Variants in NRCAM observed in about 807,000 individuals in gnomAD.
NRCAM encodes neuronal cell adhesion molecule.
Under a neutral mutation model 156.5 loss-of-function variants are expected in NRCAM, and 83 were observed. That is an observed-to-expected ratio of 0.53 (90% CI 0.44 to 0.64). The LOEUF is 0.64. NRCAM is among the 30% of genes least tolerant of loss of function. The probability of loss-of-function intolerance (pLI) is 0.00; values close to 1 mark genes in which losing one functional copy is unlikely to be tolerated. For synonymous variants in NRCAM, 538 were observed against 563.9 expected (o/e 0.95, Z 0.65); for missense variants, 1,417 against 1,597.3 (o/e 0.89, Z 1.92).
At chr7:108,163,846 A>G (rs1448676239) in intron 30 of NRCAM, among the ~76,000 whole-genome samples, 25 of 41,692 alleles carry the variant, frequency 6.0e-4, no homozygotes, top group African/African-American at 1.5e-3. Context: ...GGTGGCGGTA[A>G]TGAGAGGTCA....
At chr7:108,174,804 G>A (rs1313907209) in intron 28 of NRCAM, among the ~76,000 whole-genome samples, 1 of 152,236 alleles carries the variant, frequency 6.6e-6, no homozygotes, top group African/African-American at 2.4e-5. Context: ...TAAGCTCGGG[G>A]AGACTTAGTC....
At chr7:108,290,371 T>C (rs1318603518) in intron 3 of NRCAM, among the ~76,000 whole-genome samples, 1 of 152,180 alleles carries the variant, frequency 6.6e-6, no homozygotes, top group Non-Finnish European at 1.5e-5. Flanking sequence ...CCAGACTTCC[T>C]TGTCCTGAGC....
chr7:108,193,963 T>G, intron 17 of NRCAM, 61 bp downstream of exon 17: 1 of 1,536,490 alleles, frequency 6.5e-7, no homozygotes, highest in Non-Finnish European at 8.9e-7. Context: ...TAGTAGACCT[T>G]TAGTTCAAGA....
chr7:108,343,709 C>T (rs1405923261), intron 2 of NRCAM, among the ~76,000 whole-genome samples: 2 of 152,184 alleles, frequency 1.3e-5, no homozygotes, highest in Non-Finnish European at 2.9e-5. Context: ...CTTCATCAAA[C>T]CTTTCACTTA....
At chr7:108,444,020 C>A (rs1283698129) in intron 1 of NRCAM, among the ~76,000 whole-genome samples, 1 of 151,994 alleles carries the variant, frequency 6.6e-6, no homozygotes, top group Non-Finnish European at 1.5e-5. Context: ...TTCTGTATCC[C>A]TGGGTTTTGC....
chr7:108,153,895 TAA>T (rs1487236465), intron 32 of NRCAM, among the ~76,000 whole-genome samples: 6 of 151,906 alleles, frequency 3.9e-5, no homozygotes, highest in African/African-American at 1.5e-4. Context: ...CCGAAGAAAA[TAA>T]AACTTTCAGA....
intron 12 of NRCAM, among the ~76,000 whole-genome samples, 178 bp from the exon 13 acceptor site, chr7:108,207,837 T>C (rs2081978364): frequency 6.6e-6 from 1 of 152,202 alleles, no homozygotes; most frequent in South Asian, 2.1e-4. Flanking sequence ...TTTCAAAGAA[T>C]GTTTAAAGAG....
At chr7:108,266,906 C>T (rs200501618) in intron 3 of NRCAM, among the ~76,000 whole-genome samples, 1 of 151,794 alleles carries the variant, frequency 6.6e-6, no homozygotes, top group African/African-American at 2.4e-5. Context: ...GATTTTACCC[C>T]GCTAACAAGT....
At chr7:108,282,851 C>T (rs1356376152) in intron 3 of NRCAM, among the ~76,000 whole-genome samples, 1 of 152,214 alleles carries the variant, frequency 6.6e-6, no homozygotes, top group African/African-American at 2.4e-5. Flanking sequence ...AACAGTAGTT[C>T]TCAAACTCTA....
intron 11 of NRCAM, among the ~76,000 whole-genome samples, chr7:108,214,331 G>C (rs753388507): frequency 1.4e-4 from 22 of 152,156 alleles, no homozygotes; most frequent in African/African-American, 1.9e-4. Flanking sequence ...TTGGGAGGGT[G>C]AATGTGTCCA....
At chr7:108,417,338 G>A (rs1802824960) in intron 1 of NRCAM, among the ~76,000 whole-genome samples, 1 of 152,132 alleles carries the variant, frequency 6.6e-6, no homozygotes, top group South Asian at 2.1e-4. Context: ...ATCTGGTGAC[G>A]ACCTTGTAGT....
chr7:108,218,060 G>A (rs2090295526), intron 11 of NRCAM, among the ~76,000 whole-genome samples: 1 of 152,162 alleles, frequency 6.6e-6, no homozygotes. Context: ...AGGCACCCCA[G>A]GGAATCTCCT....
Position 108,449,510 on chromosome 7 carries a change from G to A in NRCAM, c.-332+6733C>T, listed in dbSNP as rs1051530488. Among the ~76,000 whole-genome samples the A allele has an allele frequency of 7.9e-5, 12 of 152,182 alleles. No homozygotes were observed. In the East Asian group the frequency reaches 1.4e-3, roughly 17 times the overall value. On this transcript the variant is annotated intron_variant, in intron 1 of 32. Transcript: ENST00000379028. ...ACACCAGGTTTTGGAAGGCAGCAGC[G>A]GACTCGCTCGCAAGCCATCCTTCCT...
chr7:108,236,429 C>G (rs145889875), intron 5 of NRCAM, among the ~76,000 whole-genome samples: 160 of 152,214 alleles, frequency 1.1e-3, no homozygotes, highest in African/African-American at 3.7e-3. Flanking sequence ...GCCCTTCCCC[C>G]CTCCGTCATC....
At chr7:108,195,398 C>A (rs1037636775) in intron 15 of NRCAM, among the ~76,000 whole-genome samples, 1 of 151,950 alleles carries the variant, frequency 6.6e-6, no homozygotes, top group Non-Finnish European at 1.5e-5. Context: ...CTGAGGCGGG[C>A]GGATAATCTG....
intron 1 of NRCAM, among the ~76,000 whole-genome samples, chr7:108,455,275 C>T (rs1246968744): frequency 2.0e-5 from 3 of 152,084 alleles, no homozygotes; most frequent in Admixed American, 1.3e-4. Flanking sequence ...GACCAGGATG[C>T]GGCAGCGCCC....
chr7:108,451,839 T>C (rs748426739), intron 1 of NRCAM, among the ~76,000 whole-genome samples: 2 of 152,128 alleles, frequency 1.3e-5, no homozygotes, highest in Non-Finnish European at 2.9e-5. Context: ...AGTTACAATT[T>C]GGGAAGGCAA....
rs752275365 is a variant in NRCAM, at chr7:108,160,346, ATCTT to A, written c.3598+11_3598+14del. 43 of 1,609,900 alleles carry A rather than the reference ATCTT, an allele frequency of 2.7e-5. No individual in the cohort carries two copies. The highest frequency in any genetic ancestry group is 3.6e-5 in the Non-Finnish European group (42 of 1,176,972). ...TATGTAGCATTATAAAGCAATTTTA[ATCTT>A]TCTTTCTTACCTGGATATTTACCAC... is the stretch of plus-strand genomic sequence containing the variant. On this transcript the variant is annotated intron_variant, in intron 31 of 32. Coordinates refer to ENST00000379028, the MANE Select transcript of NRCAM (RefSeq NM_001037132.4).
intron 3 of NRCAM, among the ~76,000 whole-genome samples, chr7:108,261,629 C>T (rs77838293): frequency 6.6e-6 from 1 of 152,294 alleles, no homozygotes; most frequent in African/African-American, 2.4e-5. Flanking sequence ...TTGGACCCCT[C>T]GTGTGCACCA....
Sources: allele counts gnomAD v4.1 joint callset (sites outside exome capture counted in the v4.1 genomes callset), GRCh38; gene constraint gnomAD v4.1.1; transcripts MANE v1.5; gene names NCBI Gene and HGNC (gene_info 2026-07-23, HGNC 2026-07-21).